The following KIDINS220 variants were observed in gnomAD, a reference collection of about 807,000 sequenced individuals.
The protein encoded by KIDINS220 is kinase D-interacting substrate of 220 kDa.
Under a neutral mutation model 157.6 loss-of-function variants are expected in KIDINS220, and 63 were observed. That is an observed-to-expected ratio of 0.40 (90% CI 0.33 to 0.49). The LOEUF (loss-of-function observed/expected upper bound fraction) is 0.49. Ranked by LOEUF, KIDINS220 falls within the 20% of genes least tolerant of loss-of-function variation. KIDINS220 has a pLI of 0.66. For missense variants in KIDINS220, 1,772 were observed against 2,171.2 expected (o/e 0.82, Z 3.65); for synonymous variants, 732 against 783.6 (o/e 0.93, Z 1.10).
chr2:8,803,160 C>T (rs1441452656), intron 7 of KIDINS220, 33 bp from the exon 8 acceptor site: 3 of 1,523,178 alleles, frequency 2.0e-6, no homozygotes, highest in South Asian at 1.2e-5. Context: ...CAAAACAAAA[C>T]GCAAGCCCAA....
intron 26 of KIDINS220, among the ~76,000 whole-genome samples, chr2:8,740,421 T>TA: frequency 6.6e-6 from 1 of 152,052 alleles, no homozygotes; most frequent in South Asian, 2.1e-4. Flanking sequence ...ATTATACTCC[T>TA]AAAAAAAATT....
At chr2:8,764,599 T>C (rs1669210037) in intron 22 of KIDINS220, among the ~76,000 whole-genome samples, 2 of 152,228 alleles carry the variant, frequency 1.3e-5, no homozygotes, top group South Asian at 4.1e-4. Context: ...TCAGTCAATG[T>C]GTACTGAGAA....
intron 1 of KIDINS220, among the ~76,000 whole-genome samples, chr2:8,832,358 A>G (rs1217620692): frequency 1.3e-4 from 20 of 152,228 alleles, no homozygotes; most frequent in Non-Finnish European, 8.8e-5. Flanking sequence ...AAGCACATAT[A>G]TAAGTGCCTA....
intron 17 of KIDINS220, among the ~76,000 whole-genome samples, chr2:8,782,314 A>C (rs1318459627): frequency 6.6e-6 from 1 of 152,122 alleles, no homozygotes; most frequent in East Asian, 1.9e-4. Flanking sequence ...ACTAAGATGA[A>C]AGAAGAGGAA....
rs545619628 is a variant in KIDINS220 at position 8,730,526 on chromosome 2, C to G, written c.*194G>C. On this transcript the variant is annotated 3_prime_UTR_variant, in exon 30 of 30. Transcript: ENST00000256707. ...CTGAAGCTTCTAATTACAAAGACCA[C>G]AGAGGCTGGCTGGTGAGCCATGCTT... 1.4e-3 allele frequency: 2,042 copies of G among 1,425,372 alleles called. 2 individuals are homozygous for G. Among genetic ancestry groups the G allele is most frequent in the Non-Finnish European group, 1.8e-3 (1,932 of 1,096,942 alleles). 88.3% of individuals were successfully genotyped at this position (1,425,372 alleles called of 1,614,324 possible).
At chr2:8,758,664 A>G (rs1269823564) in intron 22 of KIDINS220, among the ~76,000 whole-genome samples, 1 of 151,720 alleles carries the variant, frequency 6.6e-6, no homozygotes, top group Non-Finnish European at 1.5e-5. Flanking sequence ...GTGTTAATTT[A>G]ATATCTTTCT....
In KIDINS220 at chr2:8,796,881, A is replaced by C. The variant is rs368636078; in HGVS notation, c.1000-12T>G. On this transcript the variant is annotated splice_polypyrimidine_tract_variant and intron_variant, in intron 10 of 29. Coordinates refer to ENST00000256707, the MANE Select transcript of KIDINS220 (RefSeq NM_020738.4). ...GGCGTTTCACCATCCTGTGGGCACA[A>C]ATAAGAACATTTGCCAGATTAATAG... The C allele has an allele frequency of 1.7e-4, 273 of 1,598,262 alleles. 1 individual carries two copies. Among genetic ancestry groups the C allele is most frequent in the Non-Finnish European group, 2.2e-4 (257 of 1,165,646 alleles).
intron 17 of KIDINS220, 54 bp from the exon 18 acceptor site, chr2:8,779,868 A>G (rs1282166289): frequency 6.4e-7 from 1 of 1,574,026 alleles, no homozygotes; most frequent in Non-Finnish European, 8.7e-7. Flanking sequence ...AAGAAGCTTA[A>G]ACATATTTCT....
chr2:8,776,749 T>C lies in KIDINS220; in HGVS notation c.2847A>G (p.Thr949=), dbSNP rs1003396287. Residue 949 remains threonine, a splice_region_variant and synonymous_variant, in exon 21 of 30, where the codon ACA becomes ACG. Transcript: ENST00000256707. ...TAGACAATAAGAGACAAAAGTCACCTGTCACAGAAACAATATTAAGTAATC... is the reference window on the plus strand; with the variant it reads ...TAGACAATAAGAGACAAAAGTCACCCGTCACAGAAACAATATTAAGTAATC... The part of the protein sequence containing the change: ...MRRLLNIVSV[T]GRLLRANQIS... The C allele has an allele frequency of 1.2e-6, 2 of 1,612,360 alleles. No individual in the cohort carries two copies. Among genetic ancestry groups the C allele is most frequent in the African/African-American group, 2.7e-5 (2 of 74,880 alleles).
intron 22 of KIDINS220, among the ~76,000 whole-genome samples, chr2:8,766,542 C>T (rs1233776532): frequency 2.0e-5 from 3 of 152,152 alleles, no homozygotes; most frequent in African/African-American, 7.2e-5. Flanking sequence ...ACTGCAAGCT[C>T]CTCGGGGCAG....
intron 13 of KIDINS220, among the ~76,000 whole-genome samples, chr2:8,790,587 T>A (rs910911377): frequency 6.6e-5 from 10 of 152,072 alleles, no homozygotes; most frequent in Non-Finnish European, 1.2e-4. Context: ...TTGGGGAAAA[T>A]TTTATAGGCA....
At chr2:8,751,704 G>T in intron 22 of KIDINS220, 60 bp from the exon 23 acceptor site, 1 of 1,179,936 alleles carries the variant, frequency 8.5e-7, no homozygotes, top group Non-Finnish European at 1.2e-6. Flanking sequence ...GGTAAATTCT[G>T]CATGTCACCT....
intron 22 of KIDINS220, among the ~76,000 whole-genome samples, chr2:8,757,993 G>T (rs898329434): frequency 2.0e-5 from 3 of 152,198 alleles, no homozygotes; most frequent in Non-Finnish European, 2.9e-5. Flanking sequence ...CTCCTGAGTA[G>T]CTGGGAGTGC....
At chr2:8,833,478 T>C (rs550089751) in intron 1 of KIDINS220, among the ~76,000 whole-genome samples, 1 of 105,738 alleles carries the variant, frequency 9.5e-6, no homozygotes, top group African/African-American at 3.1e-5. Flanking sequence ...TTTAAATTTG[T>C]CTTTTTTTTT....
At chr2:8,726,923 C>G, downstream of KIDINS220, 1 of 1,289,108 alleles carries the variant, frequency 7.8e-7, no homozygotes, top group Non-Finnish European at 1.0e-6. Context: ...AGCTATCTAT[C>G]TCAAGGCCAG....
At position 8,813,347 on chromosome 2, in the gene KIDINS220, A is replaced by T; in HGVS notation, c.307-12T>A. ...GCTGTCCATCCTCCCTAAACAAAAAATGTAGGGGTAAGGGAATCAAACTTT... is the reference window on the plus strand; with the variant it reads ...GCTGTCCATCCTCCCTAAACAAAAATTGTAGGGGTAAGGGAATCAAACTTT... On this transcript the variant is annotated splice_polypyrimidine_tract_variant and intron_variant, in intron 4 of 29. Transcript: ENST00000256707. The T allele has an allele frequency of 6.3e-7, 1 of 1,577,846 alleles. No individual in the cohort carries two copies.
At chr2:8,813,373 A>C (rs1676601135) in intron 4 of KIDINS220, 38 bp from the exon 5 acceptor site, 1 of 1,356,062 alleles carries the variant, frequency 7.4e-7, no homozygotes, top group Non-Finnish European at 1.0e-6. Context: ...ATCAAACTTT[A>C]AATCATCTCT....
chr2:8,770,364 C>A (rs1315219891), intron 22 of KIDINS220, among the ~76,000 whole-genome samples: 2 of 152,106 alleles, frequency 1.3e-5, no homozygotes, highest in East Asian at 3.8e-4. Context: ...TATGATTGTG[C>A]CACTGTGCTC....
intron 1 of KIDINS220, among the ~76,000 whole-genome samples, chr2:8,829,400 A>T (rs962911950): frequency 3.3e-5 from 5 of 152,216 alleles, no homozygotes; most frequent in South Asian, 2.1e-4. Flanking sequence ...CTATTATTTT[A>T]AAAAATGATG....
Sources: gnomAD v4.1 joint callset for allele counts (sites outside exome capture counted in the v4.1 genomes callset) on GRCh38, gnomAD v4.1.1 for gene constraint, MANE v1.5 for transcripts, NCBI Gene and HGNC (gene_info 2026-07-23, HGNC 2026-07-21) for gene names.